The following EVC2 variants were observed in gnomAD, a reference collection of about 807,000 sequenced individuals.
EVC2 encodes limbin.
A neutral mutation model predicts 149.3 loss-of-function variants in EVC2; 148 were observed. The ratio of observed to expected loss-of-function variants is 0.99; its 90% CI spans 0.87 to 1.14. The LOEUF (loss-of-function observed/expected upper bound fraction) is 1.14, where lower values mean the gene tolerates loss of function less well. Ranked by LOEUF, EVC2 falls within the 50% of genes most tolerant of loss-of-function variation. The pLI, the probability that EVC2 is intolerant of heterozygous loss-of-function variation, is 0.00. For synonymous variants in EVC2, 776 were observed against 649.9 expected, an observed-to-expected ratio of 1.19 and a Z score of -2.95; for missense variants, 1,854 against 1,627.3, an observed-to-expected ratio of 1.14 and a Z score of -2.40.
At chr4:5,701,202 CCTT>C (rs1721801709) in intron 1 of EVC2, among the ~76,000 whole-genome samples, 1 of 152,210 alleles carries the variant, frequency 6.6e-6, no homozygotes, top group Non-Finnish European at 1.5e-5. Flanking sequence ...TCAAACATCT[CCTT>C]CTGATCTCTT....
At chr4:5,598,682 C>G (rs1004989052) in intron 16 of EVC2, among the ~76,000 whole-genome samples, 3 of 152,084 alleles carry the variant, frequency 2.0e-5, no homozygotes, top group African/African-American at 4.8e-5. Flanking sequence ...GTCTAAAACA[C>G]CAAAAGCAAT....
At chr4:5,703,098 G>C (rs1223368974) in intron 1 of EVC2, among the ~76,000 whole-genome samples, 1 of 152,098 alleles carries the variant, frequency 6.6e-6, no homozygotes, top group Non-Finnish European at 1.5e-5. Flanking sequence ...AAGCCAAATG[G>C]CATACTGTAT....
chr4:5,625,777 G>A lies in EVC2; in HGVS notation c.2018C>T (p.Thr673Ile). The change falls in exon 13 of 22, where the codon ACT (threonine) becomes ATT (isoleucine). Residue 673 changes from threonine to isoleucine, a missense_variant. Thr to Ile is a moderately conservative substitution (Grantham distance 89, BLOSUM62 -1). Coordinates refer to ENST00000344408, the MANE Select transcript of EVC2 (RefSeq NM_147127.5). The surrounding 1 kb of genome is among the most constrained non-coding windows in gnomAD (Gnocchi z 4.0). ...EKKKLHQKLI[T>I]KRRRELLQKH... ...TTGTAGCAACTCTCGTCTTCTCTTA[G>A]TTATTAATTTTTGGTGGAGCTTTTT... The A allele has an allele frequency of 8.7e-6, 14 of 1,614,124 alleles. No individual in the cohort carries two copies. Among genetic ancestry groups the A allele is most frequent in the Non-Finnish European group, 1.2e-5 (14 of 1,180,032 alleles).
At chr4:5,628,822 T>C (rs1017864805) in intron 11 of EVC2, 88 bp from the exon 12 acceptor site, 26 of 1,352,842 alleles carry the variant, frequency 1.9e-5, no homozygotes, top group Non-Finnish European at 2.6e-5. Context: ...TATTTTTCCT[T>C]TTATAAGAAA....
At chr4:5,572,000 C>A (rs921244248) in intron 19 of EVC2, among the ~76,000 whole-genome samples, 1 of 152,308 alleles carries the variant, frequency 6.6e-6, no homozygotes, top group East Asian at 1.9e-4. Context: ...TGCAGGCCAA[C>A]CCTGCAGAAT....
At chr4:5,551,041 G>C (rs1054914928) in intron 21 of EVC2, among the ~76,000 whole-genome samples, 2 of 152,256 alleles carry the variant, frequency 1.3e-5, no homozygotes, top group African/African-American at 4.8e-5. Context: ...GCAGAGGTGT[G>C]CTGCAGGGGT....
At chr4:5,685,565 C>CCCTTGGTT (rs1471912262) in intron 5 of EVC2, 86 bp from the exon 6 acceptor site, 14 of 1,145,754 alleles carry the variant, frequency 1.2e-5, no homozygotes, top group Non-Finnish European at 1.7e-5. Flanking sequence ...ACATCCTGGC[C>CCCTTGGTT]CCTGGCTTCA....
At chr4:5,603,941 T>G (rs1023871852) in intron 16 of EVC2, among the ~76,000 whole-genome samples, 2 of 152,224 alleles carry the variant, frequency 1.3e-5, no homozygotes, top group African/African-American at 4.8e-5. Context: ...CATTTCTGCA[T>G]CCATCAAATG....
chr4:5,561,103 A>C (rs1721937371), downstream of EVC2, among the ~76,000 whole-genome samples: 1 of 152,166 alleles, frequency 6.6e-6, no homozygotes, highest in East Asian at 1.9e-4. Context: ...CATTTTTTGA[A>C]ATTTTTGCAT....
At chr4:5,548,353 C>T (rs1310139124) in intron 21 of EVC2, among the ~76,000 whole-genome samples, 1 of 150,046 alleles carries the variant, frequency 6.7e-6, no homozygotes, top group African/African-American at 2.5e-5. Context: ...GCTGCAGCAG[C>T]CACCTTGAAA....
At chr4:5,547,348 C>A (rs751891111) in intron 21 of EVC2, among the ~76,000 whole-genome samples, 2 of 152,218 alleles carry the variant, frequency 1.3e-5, no homozygotes, top group Non-Finnish European at 2.9e-5. Flanking sequence ...ACAGCCTGGG[C>A]GCCATGAATG....
In EVC2 at chr4:5,576,502, G is replaced by T. The variant is rs1216530836; in HGVS notation, c.3058-48C>A. 9.1e-6 allele frequency: 14 copies of T among 1,543,178 alleles called. No homozygotes were observed. The highest frequency in any genetic ancestry group is 1.4e-5 in the African/African-American group (1 of 73,090). ...GTAAGCACCACTGCACAAGGCGGGT[G>T]GGGTGGAGGACAAAATCTGACCTCC... On this transcript the variant is annotated intron_variant, in intron 17 of 21. Coordinates refer to ENST00000344408, the MANE Select transcript of EVC2 (RefSeq NM_147127.5). This position sits in a 1 kb window ranked among gnomAD's most constrained non-coding sequence, Gnocchi z 4.5.
At chr4:5,650,652 G>T (rs1393096951) in intron 9 of EVC2, among the ~76,000 whole-genome samples, 12 of 138,292 alleles carry the variant, frequency 8.7e-5, no homozygotes, top group South Asian at 2.5e-4. Context: ...GAGAGAGAGA[G>T]AGAGAGAGAG....
At chr4:5,673,078 CACA>C (rs369216500) in intron 7 of EVC2, among the ~76,000 whole-genome samples, 180 of 152,292 alleles carry the variant, frequency 1.2e-3, no homozygotes, top group African/African-American at 3.8e-3. Flanking sequence ...GTGATGGCTG[CACA>C]ACACCTATTG....
At chr4:5,684,575 C>T (rs1720564861) in intron 6 of EVC2, among the ~76,000 whole-genome samples, 1 of 151,194 alleles carries the variant, frequency 6.6e-6, no homozygotes, top group Admixed American at 6.6e-5. Context: ...AGCCTGTACC[C>T]GGGGTGTGCA....
chr4:5,542,802 C>T (rs768928761), exon 23 of EVC2: 5 of 212,526 alleles, frequency 2.4e-5, no homozygotes, highest in Non-Finnish European at 4.8e-5. Context: ...TCCTCCAAGT[C>T]ATCCTCGTCA....
intron 2 of EVC2, among the ~76,000 whole-genome samples, chr4:5,695,122 G>C (rs1250045613): frequency 6.6e-6 from 1 of 152,046 alleles, no homozygotes; most frequent in Non-Finnish European, 1.5e-5. Flanking sequence ...GGCTGAGGCG[G>C]GCAGATCACA....
chr4:5,621,386 G>A (rs894839931), intron 14 of EVC2, among the ~76,000 whole-genome samples: 2 of 152,194 alleles, frequency 1.3e-5, no homozygotes, highest in African/African-American at 4.8e-5. Context: ...ATTTGATTTA[G>A]TTTTTGTGGT....
chr4:5,537,293 G>C, the EVC2 span, among the ~76,000 whole-genome samples: 2 of 152,264 alleles, frequency 1.3e-5, no homozygotes, highest in South Asian at 4.1e-4. Context: ...TCTTCAGGGG[G>C]CTATCCTCAA....
Sources: gnomAD v4.1 joint callset for allele counts (sites outside exome capture counted in the v4.1 genomes callset) on GRCh38, gnomAD v4.1.1 for gene constraint, Gnocchi (gnomAD v3.1) non-coding constraint, MANE v1.5 for transcripts, NCBI Gene and HGNC (gene_info 2026-07-23, HGNC 2026-07-21) for gene names.